Variants in MACROH2A1 observed in about 807,000 individuals in gnomAD.
The protein encoded by MACROH2A1 is macroH2A.1 histone.
A neutral mutation model predicts 31.6 loss-of-function variants in MACROH2A1; 2 were observed. The observed-to-expected ratio is 0.06, with a 90% CI of 0.03 to 0.20. MACROH2A1 has a LOEUF of 0.20. Ranked by LOEUF, MACROH2A1 falls within the 10% of genes least tolerant of loss-of-function variation. The pLI is 1.00. For missense variants in MACROH2A1, 230 were observed against 474.0 expected (o/e 0.49, Z 4.78); for synonymous variants, 169 against 189.6 (o/e 0.89, Z 0.89).
intron 2 of MACROH2A1, among the ~76,000 whole-genome samples, chr5:135,370,871 G>A (rs559809582): frequency 3.3e-5 from 5 of 152,292 alleles, no homozygotes; most frequent in Admixed American, 6.5e-5. Flanking sequence ...AGACACACGG[G>A]ATTATTTTCT....
intron 7 of MACROH2A1, chr5:135,344,137 G>C (rs577709053): frequency 7.2e-5 from 11 of 152,910 alleles, no homozygotes; most frequent in African/African-American, 2.6e-4. Context: ...CCAAAGACTT[G>C]CCTTTCCCTT....
intron 7 of MACROH2A1, chr5:135,344,617 T>C (rs1760525271): frequency 6.6e-6 from 1 of 152,190 alleles, no homozygotes; most frequent in East Asian, 1.9e-4. Flanking sequence ...TGAGAAGTCA[T>C]GGCTAAACTA....
intron 7 of MACROH2A1, chr5:135,345,444 C>A (rs1760679635): frequency 6.4e-6 from 1 of 155,570 alleles, no homozygotes; most frequent in South Asian, 2.0e-4. Flanking sequence ...CCCCAAATGA[C>A]CACCTAAATT....
At chr5:135,354,912 G>A in intron 5 of MACROH2A1, 2 of 369,676 alleles carry the variant, frequency 5.4e-6, no homozygotes, top group African/African-American at 2.1e-5. Flanking sequence ...GGTGAGGAAG[G>A]CAGGCAAAGG....
intron 4 of MACROH2A1, among the ~76,000 whole-genome samples, chr5:135,363,317 T>C (rs141806100): frequency 3.5e-4 from 54 of 152,350 alleles, no homozygotes; most frequent in Admixed American, 2.2e-3. Context: ...CTATATAGCC[T>C]GCCCACTTGG....
At chr5:135,343,582 C>A in intron 7 of MACROH2A1, 148 bp from the exon 8 acceptor site, 1 of 1,241,040 alleles carries the variant, frequency 8.1e-7, no homozygotes, top group Non-Finnish European at 1.1e-6. Flanking sequence ...CTGTCTGCTG[C>A]GTTGTGATTC....
intron 1 of MACROH2A1, 172 bp from the exon 2 acceptor site, chr5:135,389,298 T>G (rs1766872774): frequency 2.3e-6 from 1 of 427,152 alleles, no homozygotes; most frequent in African/African-American, 2.0e-5. Flanking sequence ...GTTTGATCCC[T>G]GAAAAGAAAG....
chr5:135,341,435 G>A (rs1372707990), intron 8 of MACROH2A1, among the ~76,000 whole-genome samples: 1 of 152,250 alleles, frequency 6.6e-6, no homozygotes. Flanking sequence ...ACTGGGAGAA[G>A]TGGGGGTGGC....
At chr5:135,349,295 A>G (rs1019578490) in intron 6 of MACROH2A1, among the ~76,000 whole-genome samples, 1 of 152,198 alleles carries the variant, frequency 6.6e-6, no homozygotes, top group Non-Finnish European at 1.5e-5. Flanking sequence ...TTTTCTCTAA[A>G]TAAGTACTTC....
chr5:135,389,125 C>G lies in MACROH2A1; in HGVS notation c.-32G>C. The G allele has an allele frequency of 1.9e-6, 3 of 1,602,344 alleles. No individual in the cohort carries two copies. Among genetic ancestry groups the G allele is most frequent in the Non-Finnish European group, 2.6e-6 (3 of 1,171,826 alleles). ...GGCCCTGGAGGCGGATCAGTGAGCACACTGTGAAGGCGAGAGGCACACCGG... is the reference window on the plus strand; with the variant it reads ...GGCCCTGGAGGCGGATCAGTGAGCAGACTGTGAAGGCGAGAGGCACACCGG... On this transcript the variant is annotated splice_region_variant and 5_prime_UTR_variant, in exon 2 of 9. Transcript: ENST00000511689.
chr5:135,339,911 G>A (rs1308568464), intron 8 of MACROH2A1, among the ~76,000 whole-genome samples: 3 of 152,218 alleles, frequency 2.0e-5, no homozygotes, highest in Non-Finnish European at 4.4e-5. Flanking sequence ...CGGGCTTTGG[G>A]TAAATGAAAA....
chr5:135,360,277 C>G, intron 5 of MACROH2A1: 1 of 576,552 alleles, frequency 1.7e-6, no homozygotes. Flanking sequence ...TTCTTTTTTA[C>G]CACTGTCTCC....
chr5:135,368,010 G>A (rs1763733708), intron 4 of MACROH2A1, among the ~76,000 whole-genome samples: 1 of 152,198 alleles, frequency 6.6e-6, no homozygotes, highest in Admixed American at 6.5e-5. Context: ...CAGGACTTGT[G>A]AGCTAGATGG....
At chr5:135,384,460 T>C (rs1394543183) in intron 2 of MACROH2A1, among the ~76,000 whole-genome samples, 1 of 151,580 alleles carries the variant, frequency 6.6e-6, no homozygotes, top group Non-Finnish European at 1.5e-5. Context: ...CCTCATCCAG[T>C]CTGTAAAGTG....
chr5:135,367,326 T>C (rs1346139554), intron 4 of MACROH2A1, among the ~76,000 whole-genome samples: 2 of 152,190 alleles, frequency 1.3e-5, no homozygotes, highest in Admixed American at 6.5e-5. Context: ...AAGTAGACAA[T>C]GTGTTTTATT....
At chr5:135,342,472 G>A (rs1172648517) in intron 8 of MACROH2A1, among the ~76,000 whole-genome samples, 1 of 152,216 alleles carries the variant, frequency 6.6e-6, no homozygotes, top group Non-Finnish European at 1.5e-5. Context: ...GACATGTGTG[G>A]GGTGTACAAC....
At chr5:135,337,620 A>T (rs1257987923) in intron 8 of MACROH2A1, among the ~76,000 whole-genome samples, 1 of 152,244 alleles carries the variant, frequency 6.6e-6, no homozygotes, top group Non-Finnish European at 1.5e-5. Flanking sequence ...TCAAAACACA[A>T]CAGTTTGATT....
intron 4 of MACROH2A1, among the ~76,000 whole-genome samples, chr5:135,366,533 TA>T (rs1345920979): frequency 6.6e-6 from 1 of 151,500 alleles, no homozygotes; most frequent in Non-Finnish European, 1.5e-5. Flanking sequence ...CCTGCACCCC[TA>T]ATCACTATGC....
intron 5 of MACROH2A1, chr5:135,357,643 G>GT (rs1762337520): frequency 3.2e-6 from 2 of 626,110 alleles, no homozygotes; most frequent in Non-Finnish European, 4.0e-6. Context: ...CATTAGAAAT[G>GT]TTTTTTCTGA....
Sources: gnomAD v4.1 joint callset for allele counts (sites outside exome capture counted in the v4.1 genomes callset) on GRCh38, gnomAD v4.1.1 for gene constraint, MANE v1.5 for transcripts, NCBI Gene and HGNC (gene_info 2026-07-23, HGNC 2026-07-21) for gene names.